The following CCN4 variants were observed in gnomAD, a reference collection of about 807,000 sequenced individuals.
CCN4 encodes CCN family member 4.
In CCN4, 30 loss-of-function variants were observed where a neutral mutation model predicts 36.7. The ratio of observed to expected loss-of-function variants is 0.82; its 90% CI spans 0.61 to 1.11. The LOEUF (loss-of-function observed/expected upper bound fraction) is 1.11, where lower values mean the gene tolerates loss of function less well. Ranked by LOEUF, CCN4 falls within the 50% of genes least tolerant of loss-of-function variation. The pLI is 0.00. For missense variants in CCN4, 505 were observed against 504.9 expected (o/e 1.00, Z 0.00); for synonymous variants, 191 against 195.4 (o/e 0.98, Z 0.19).
At position 133,198,407 on chromosome 8, in the gene CCN4, C is replaced by T. The variant is rs182417360; in HGVS notation, c.69+7194C>T. Among the ~76,000 whole-genome samples, 48 of 152,278 alleles carry T rather than the reference C, an allele frequency of 3.2e-4. 1 individual carries two copies. Among genetic ancestry groups the T allele is most frequent in the African/African-American group, 9.4e-4 (39 of 41,560 alleles). On this transcript the variant is annotated intron_variant, in intron 1 of 4. Transcript: ENST00000250160. ...ACTGAAAATCACATCAGCACCTGGA[C>T]GTCCGAGGGGTCCCACCATCTCAGT...
intron 1 of CCN4, among the ~76,000 whole-genome samples, chr8:133,204,472 A>C (rs1307953893): frequency 1.3e-5 from 2 of 152,062 alleles, no homozygotes; most frequent in Non-Finnish European, 2.9e-5. Context: ...AGTGGTTCCT[A>C]TTTCTATAAA....
chr8:133,215,485 G>T (rs1410631640), intron 2 of CCN4, among the ~76,000 whole-genome samples: 1 of 152,140 alleles, frequency 6.6e-6, no homozygotes, highest in Non-Finnish European at 1.5e-5. Context: ...AATCTCTAAA[G>T]CTGTATTGAG....
intron 1 of CCN4, among the ~76,000 whole-genome samples, chr8:133,202,983 T>C (rs764008689): frequency 1.3e-5 from 2 of 152,212 alleles, no homozygotes; most frequent in Non-Finnish European, 2.9e-5. Context: ...AGCAAAGCAG[T>C]GAACAGAAGC....
At position 133,191,212 on chromosome 8, in the gene CCN4, C is replaced by T. The variant is rs370536589; in HGVS notation, c.68C>T (p.Thr23Met). ...TAAAASTVLA[T>M]ALSPAPTTMD... is the part of the protein sequence containing the mutation. ...GCAGCCGCCAGCACCGTCCTGGCCA[C>T]GGTGAGTCCTGCCTGGAGGGGCTCA... Residue 23 changes from threonine (T) to methionine (M), a missense_variant and splice_region_variant, in exon 1 of 5, where the codon ACG (threonine) becomes ATG (methionine). Transcript: ENST00000250160. The T allele has an allele frequency of 8.3e-5, 133 of 1,605,430 alleles. No homozygotes were observed. Among genetic ancestry groups the T allele is most frequent in the South Asian group, 1.9e-4 (17 of 90,852 alleles).
At chr8:133,203,662 G>A (rs182710465) in intron 1 of CCN4, among the ~76,000 whole-genome samples, 9 of 152,190 alleles carry the variant, frequency 5.9e-5, no homozygotes, top group Admixed American at 5.9e-4. Context: ...GTGGCAGGAG[G>A]TTGGGGAATT....
intron 1 of CCN4, among the ~76,000 whole-genome samples, chr8:133,191,539 C>G (rs369820782): frequency 5.3e-5 from 8 of 152,186 alleles, no homozygotes; most frequent in Non-Finnish European, 1.2e-4. Flanking sequence ...GACCCGTCTT[C>G]GCCTAACCTG....
In CCN4 at chr8:133,228,406, T is replaced by C. The variant is rs1027085953; in HGVS notation, c.*696T>C. 1 of 152,222 alleles carries C rather than the reference T, an allele frequency of 6.6e-6. No individual in the cohort carries two copies. The highest frequency in any genetic ancestry group is 1.5e-5 in the Non-Finnish European group (1 of 68,048). The allele number at this position is 152,222 out of a possible 1,614,324, so 9.4% of individuals were successfully genotyped here. The stretch of plus-strand genomic sequence containing the variant: ...AAAATTTGATAAACATTCCTGTTGA[T>C]GGGAAAAGCCCCCAGTTAATACTCC... On this transcript the variant is annotated 3_prime_UTR_variant, in exon 5 of 5. Coordinates refer to ENST00000250160, the MANE Select transcript of CCN4 (RefSeq NM_003882.4).
intron 1 of CCN4, among the ~76,000 whole-genome samples, chr8:133,204,977 G>A (rs1407871229): frequency 6.6e-6 from 1 of 152,256 alleles, no homozygotes; most frequent in African/African-American, 2.4e-5. Context: ...TGGGATCTCT[G>A]AGTAGAGTGT....
chr8:133,227,587 G>C lies in CCN4; in HGVS notation c.981G>C (p.Gly327=). ...TIDVSFQCPD[G]LGFSRQVLWI... Reference sequence around the variant, plus strand: ...ACGTGTCCTTCCAGTGTCCTGATGGGCTTGGCTTCTCCCGCCAGGTCCTAT... The same window carrying C: ...ACGTGTCCTTCCAGTGTCCTGATGGCCTTGGCTTCTCCCGCCAGGTCCTAT... The change falls in exon 5 of 5, where the codon GGG becomes GGC. Residue 327 remains glycine (G), a synonymous_variant. Transcript: ENST00000250160. 6.2e-7 allele frequency: 1 copy of C among 1,614,194 alleles called. No individual in the cohort carries two copies. The highest frequency in any genetic ancestry group is 8.5e-7 in the Non-Finnish European group (1 of 1,180,046).
Position 133,225,420 on chromosome 8 carries a change from G to A in CCN4, c.641G>A (p.Arg214Lys). 2 of 1,610,712 alleles carry A rather than the reference G, an allele frequency of 1.2e-6. No homozygotes were observed. The highest frequency in any genetic ancestry group is 1.7e-6 in the Non-Finnish European group (2 of 1,178,012). ...GTGGGTGAGGTGGAGGCATGGCACA[G>A]GAACTGCATAGCCTACACAAGCCCC... Reference protein sequence around the residue: ...DAVGEVEAWHRNCIAYTSPWS... With the variant: ...DAVGEVEAWHKNCIAYTSPWS... Residue 214 changes from arginine to lysine, a missense_variant, in exon 4 of 5, where the codon AGG becomes AAG. Coordinates refer to ENST00000250160, the MANE Select transcript of CCN4 (RefSeq NM_003882.4).
intron 4 of CCN4, 79 bp from the exon 5 acceptor site, chr8:133,227,332 A>C (rs1412848957): frequency 6.8e-7 from 1 of 1,479,676 alleles, no homozygotes; most frequent in Non-Finnish European, 9.1e-7. Flanking sequence ...TGAGAAGGGA[A>C]AAACTGGGGG....
chr8:133,195,434 A>G (rs985660268), intron 1 of CCN4, among the ~76,000 whole-genome samples: 4 of 151,996 alleles, frequency 2.6e-5, no homozygotes, highest in African/African-American at 9.7e-5. Flanking sequence ...CCCCTTTAGA[A>G]AACAGAGAAT....
At chr8:133,227,371 T>C in intron 4 of CCN4, 40 bp from the exon 5 acceptor site, 1 of 1,565,424 alleles carries the variant, frequency 6.4e-7, no homozygotes, top group Non-Finnish European at 8.7e-7. Flanking sequence ...TTGTCCATTC[T>C]CTGAGCACTC....
intron 1 of CCN4, among the ~76,000 whole-genome samples, chr8:133,193,384 C>G (rs962906224): frequency 2.6e-5 from 4 of 152,150 alleles, no homozygotes; most frequent in Non-Finnish European, 5.9e-5. Context: ...AAGATGGCAG[C>G]CCAGAAGGAG....
rs377237188 is a variant in CCN4 at position 133,220,743 on chromosome 8, G to C, written c.512G>C (p.Arg171Pro). The change falls in exon 3 of 5, where the codon CGG becomes CCG. Residue 171 changes from arginine to proline, a missense_variant. Coordinates refer to ENST00000250160, the MANE Select transcript of CCN4 (RefSeq NM_003882.4). Reference protein sequence around the residue: ...RPPRLWCPHPRRVSIPGHCCE... With the variant: ...RPPRLWCPHPPRVSIPGHCCE... ...CCGCGTCTCTGGTGCCCCCACCCGC[G>C]GCGCGTGAGCATACCTGGCCACTGC... is the stretch of plus-strand genomic sequence containing the variant. 1 of 1,613,528 alleles carries C rather than the reference G, an allele frequency of 6.2e-7. No homozygotes were observed. Among genetic ancestry groups the C allele is most frequent in the Non-Finnish European group, 8.5e-7 (1 of 1,179,956 alleles).
chr8:133,201,948 C>A (rs4382455), intron 1 of CCN4, among the ~76,000 whole-genome samples: 34,420 of 152,080 alleles, frequency 0.23, 4,499 homozygotes, highest in Non-Finnish European at 0.29. Flanking sequence ...GCTGCCGATG[C>A]GTATGTAGGG....
At chr8:133,194,395 TG>T (rs1853241601) in intron 1 of CCN4, among the ~76,000 whole-genome samples, 1 of 63,562 alleles carries the variant, frequency 1.6e-5, no homozygotes, top group South Asian at 6.2e-4. Flanking sequence ...GTGTGGTGTG[TG>T]GGGGTGTGTG....
intron 3 of CCN4, among the ~76,000 whole-genome samples, chr8:133,221,158 T>A (rs1353982767): frequency 6.6e-6 from 1 of 152,218 alleles, no homozygotes; most frequent in African/African-American, 2.4e-5. Context: ...AGGGTAGGTA[T>A]GTGGGTACCT....
At chr8:133,204,165 C>G (rs1030903832) in intron 1 of CCN4, among the ~76,000 whole-genome samples, 4 of 152,162 alleles carry the variant, frequency 2.6e-5, no homozygotes, top group African/African-American at 9.7e-5. Flanking sequence ...GTCTTATCAT[C>G]GGGAGATACT....
Sources: allele counts gnomAD v4.1 joint callset (sites outside exome capture counted in the v4.1 genomes callset), GRCh38; gene constraint gnomAD v4.1.1; transcripts MANE v1.5; gene names NCBI Gene and HGNC (gene_info 2026-07-23, HGNC 2026-07-21).